Variants in CDH10 observed in about 807,000 individuals in gnomAD.
CDH10 encodes cadherin-10.
A neutral mutation model predicts 73.1 loss-of-function variants in CDH10; 30 were observed. The ratio of observed to expected loss-of-function variants is 0.41; its 90% CI spans 0.31 to 0.56. The LOEUF is 0.56. Among genes scored for constraint, CDH10 ranks in the 20% least tolerant of loss-of-function variants. CDH10 has a pLI of 0.27. For synonymous variants in CDH10, 345 were observed against 348.2 expected, an observed-to-expected ratio of 0.99 and a Z score of 0.10; for missense variants, 815 against 973.7, an observed-to-expected ratio of 0.84 and a Z score of 2.17.
intron 1 of CDH10, among the ~76,000 whole-genome samples, chr5:24,608,266 G>A (rs1746827137): frequency 6.6e-6 from 1 of 151,882 alleles, no homozygotes; most frequent in Admixed American, 6.6e-5. Flanking sequence ...GTTTCTTAGT[G>A]GCTTAATTTA....
intron 1 of CDH10, among the ~76,000 whole-genome samples, chr5:24,634,041 T>A (rs1203808644): frequency 2.6e-5 from 4 of 151,870 alleles, no homozygotes; most frequent in African/African-American, 9.7e-5. Context: ...TAAATTCATC[T>A]CAACCCTCTG....
intron 1 of CDH10, among the ~76,000 whole-genome samples, chr5:24,629,532 A>C (rs1747631667): frequency 6.6e-6 from 1 of 151,236 alleles, no homozygotes; most frequent in Admixed American, 6.6e-5. Flanking sequence ...AGGAAGTGAT[A>C]GAGTTTGGCT....
intron 5 of CDH10, among the ~76,000 whole-genome samples, chr5:24,533,663 G>A (rs1277612665): frequency 6.6e-6 from 1 of 151,926 alleles, no homozygotes; most frequent in African/African-American, 2.4e-5. Flanking sequence ...CTGGTAAAAG[G>A]CTCGAGCTAA....
chr5:24,578,468 T>G, intron 2 of CDH10: 1 of 364,380 alleles, frequency 2.7e-6, no homozygotes, highest in Middle Eastern at 4.0e-4. Flanking sequence ...TTTAAGAATC[T>G]CTGCTTCAGA....
intron 1 of CDH10, among the ~76,000 whole-genome samples, chr5:24,596,493 T>C (rs985196317): frequency 1.3e-5 from 2 of 151,896 alleles, no homozygotes; most frequent in African/African-American, 4.8e-5. Flanking sequence ...AAATATATCC[T>C]ACAGGGTGTT....
rs561364038 is a variant in CDH10 at position 24,499,725 on chromosome 5, A to G, written c.1394-1206T>C. On this transcript the variant is annotated intron_variant, in intron 8 of 11. Transcript: ENST00000264463. ...ATGATGCATTTTCAAACTTGTTTTG[A>G]TATGTAAATTAATAAAAATATAAAT... 2.6e-4 allele frequency among the ~76,000 whole-genome samples: 19 copies of G among 74,092 alleles called. No homozygotes were observed. The South Asian group carries it at 8.4e-3, about 33-fold the overall frequency. 48.6% of individuals were successfully genotyped at this position (74,092 alleles called of 152,430 possible).
chr5:24,558,900 A>T (rs1744860501), intron 2 of CDH10, among the ~76,000 whole-genome samples: 1 of 151,782 alleles, frequency 6.6e-6, no homozygotes, highest in Non-Finnish European at 1.5e-5. Flanking sequence ...CCATTTCAAG[A>T]TCCAGATTTT....
rs1373368879 is a variant in CDH10, at chr5:24,487,982, T to C, written c.2048A>G (p.Glu683Gly). 3.1e-6 allele frequency: 5 copies of C among 1,614,028 alleles called. No individual in the cohort carries two copies. Among genetic ancestry groups the C allele is most frequent in the Middle Eastern group, 1.7e-4 (1 of 6,060 alleles). ...AATAATATCTCGCCGGAGCTTTTTT[T>C]CCTCAATGGCTGCAGGATTCCTCAG... is the stretch of plus-strand genomic sequence containing the variant. ...GTLRNPAAIE[E>G]KKLRRDIIPE... Residue 683 changes from glutamate to glycine, a missense_variant, in exon 12 of 12, where the codon GAA (glutamate) becomes GGA (glycine). By Grantham distance (98) the Glu-to-Gly change is moderately conservative (BLOSUM62 -2). Coordinates refer to ENST00000264463, the MANE Select transcript of CDH10 (RefSeq NM_006727.5).
intron 2 of CDH10, 77 bp from the exon 3 acceptor site, chr5:24,537,751 T>C: frequency 1.1e-6 from 1 of 893,632 alleles, no homozygotes; most frequent in Non-Finnish European, 1.7e-6. Context: ...CAGAAGGTCT[T>C]TCATGTCTCA....
At chr5:24,542,752 C>G (rs888341074) in intron 2 of CDH10, among the ~76,000 whole-genome samples, 5 of 152,066 alleles carry the variant, frequency 3.3e-5, no homozygotes, top group African/African-American at 1.2e-4. Flanking sequence ...CTGGTAAGGG[C>G]CCTCTTTCTG....
intron 1 of CDH10, among the ~76,000 whole-genome samples, chr5:24,634,159 G>A (rs148886533): frequency 9.9e-5 from 15 of 151,896 alleles, no homozygotes; most frequent in African/African-American, 2.2e-4. Flanking sequence ...GAAAAGAAAT[G>A]ATTATTTCAG....
chr5:24,492,758 C>A (rs2111648158), intron 10 of CDH10, 59 bp downstream of exon 10: 1 of 771,914 alleles, frequency 1.3e-6, no homozygotes, highest in South Asian at 1.4e-5. Flanking sequence ...AATGGTTACA[C>A]TCGGGAAATT....
chr5:24,512,271 T>C (rs1056856590), intron 5 of CDH10, among the ~76,000 whole-genome samples: 1 of 152,158 alleles, frequency 6.6e-6, no homozygotes, highest in African/African-American at 2.4e-5. Context: ...TCTGGGATAG[T>C]TGGGATTAGA....
intron 2 of CDH10, among the ~76,000 whole-genome samples, chr5:24,585,169 T>C (rs1745949475): frequency 6.6e-6 from 1 of 152,066 alleles, no homozygotes; most frequent in Non-Finnish European, 1.5e-5. Flanking sequence ...ATCTTAATAA[T>C]ACGACTCTGA....
Position 24,639,632 on chromosome 5 carries a change from C to T in CDH10, c.-124+4962G>A, listed in dbSNP as rs189523764. On this transcript the variant is annotated intron_variant, in intron 1 of 11. Coordinates refer to ENST00000264463, the MANE Select transcript of CDH10 (RefSeq NM_006727.5). ...ACTGGAAACAAAAGCAATGGTAGTT[C>T]TTTACAACATTTGCTCATTATATAC... Among the ~76,000 whole-genome samples the T allele has an allele frequency of 1.8e-4, 27 of 151,804 alleles. No individual in the cohort carries two copies. In the East Asian group the frequency reaches 5.2e-3, roughly 29 times the overall value.
chr5:24,560,204 G>GTGTGTGTA (rs1250688620), intron 2 of CDH10, among the ~76,000 whole-genome samples: 1 of 4,012 alleles, frequency 2.5e-4, no homozygotes, highest in Admixed American at 0.011. Flanking sequence ...TTGCAATTGT[G>GTGTGTGTA]TGTGTGTGTG....
intron 5 of CDH10, among the ~76,000 whole-genome samples, chr5:24,530,051 T>A (rs1743678331): frequency 7.1e-6 from 1 of 141,494 alleles, no homozygotes; most frequent in Admixed American, 7.7e-5. Flanking sequence ...TAGTGTCTAG[T>A]CCTAGGCACC....
At chr5:24,584,674 T>C (rs1745924918) in intron 2 of CDH10, among the ~76,000 whole-genome samples, 1 of 151,412 alleles carries the variant, frequency 6.6e-6, no homozygotes, top group African/African-American at 2.4e-5. Context: ...TTTCACCATG[T>C]TGGCCAGGCT....
At chr5:24,492,035 A>T (rs2111643939) in intron 10 of CDH10, among the ~76,000 whole-genome samples, 1 of 152,338 alleles carries the variant, frequency 6.6e-6, no homozygotes, top group East Asian at 1.9e-4. Context: ...TTCATTTATT[A>T]GGTTTTCATG....
Sources: allele counts gnomAD v4.1 joint callset (sites outside exome capture counted in the v4.1 genomes callset), GRCh38; gene constraint gnomAD v4.1.1; transcripts MANE v1.5; gene names NCBI Gene and HGNC (gene_info 2026-07-23, HGNC 2026-07-21).